The following SEMA3E variants were observed in gnomAD, a reference collection of about 807,000 sequenced individuals.
SEMA3E encodes the protein semaphorin-3E.
A neutral mutation model predicts 93.6 loss-of-function variants in SEMA3E; 49 were observed. That is an observed-to-expected ratio of 0.52 (90% CI 0.42 to 0.66). The LOEUF (loss-of-function observed/expected upper bound fraction) is 0.66, where lower values mean the gene tolerates loss of function less well. Ranked by LOEUF, SEMA3E falls within the 30% of genes least tolerant of loss-of-function variation. The pLI is 0.00. For missense variants in SEMA3E, 906 were observed against 964.8 expected (o/e 0.94, Z 0.81); for synonymous variants, 363 against 330.7 (o/e 1.10, Z -1.06).
chr7:83,458,676 A>G (rs529690052), intron 4 of SEMA3E, among the ~76,000 whole-genome samples: 1 of 151,846 alleles, frequency 6.6e-6, no homozygotes, highest in Non-Finnish European at 1.5e-5. Context: ...GGTACATCCA[A>G]CGGGGTGAGC....
chr7:83,535,216 G>A (rs771775062), intron 1 of SEMA3E, among the ~76,000 whole-genome samples: 2 of 152,070 alleles, frequency 1.3e-5, no homozygotes, highest in Non-Finnish European at 2.9e-5. Context: ...TTCATAGCTT[G>A]GGACTAGGTT....
chr7:83,571,929 A>T (rs1409187978), intron 1 of SEMA3E, among the ~76,000 whole-genome samples: 1 of 152,156 alleles, frequency 6.6e-6, no homozygotes, highest in African/African-American at 2.4e-5. Context: ...ATGCACCAAA[A>T]ACATTCTAGA....
chr7:83,434,925 G>T (rs879134355), intron 4 of SEMA3E, among the ~76,000 whole-genome samples: 2 of 151,382 alleles, frequency 1.3e-5, no homozygotes, highest in Non-Finnish European at 2.9e-5. Flanking sequence ...GTTTTAGCCG[G>T]GATGGTCTCG....
intron 4 of SEMA3E, among the ~76,000 whole-genome samples, chr7:83,421,244 A>C (rs1431991025): frequency 7.0e-6 from 1 of 142,578 alleles, no homozygotes; most frequent in Non-Finnish European, 1.6e-5. Flanking sequence ...AATAACATAG[A>C]ATAATGCATA....
At position 83,400,136 on chromosome 7, in the gene SEMA3E, T is replaced by C; in HGVS notation, c.1258A>G (p.Lys420Glu). The change falls in exon 11 of 17, where the codon AAA becomes GAA. Residue 420 changes from lysine to glutamate, a missense_variant. Physicochemically the swap from Lys to Glu is moderately conservative, Grantham distance 56. Transcript: ENST00000643230. ...LMYQAIKPAHKKPILVKTDGK... is the reference protein window; with the variant it reads ...LMYQAIKPAHEKPILVKTDGK... The stretch of plus-strand genomic sequence containing the variant: ...TCTGTTTTTACCAATATTGGTTTTT[T>C]ATGGGCAGGTTTTATGGCCTGGTAC... The C allele has an allele frequency of 6.2e-7, 1 of 1,614,050 alleles. No individual in the cohort carries two copies. Among genetic ancestry groups the C allele is most frequent in the East Asian group, 2.2e-5 (1 of 44,844 alleles).
intron 1 of SEMA3E, among the ~76,000 whole-genome samples, chr7:83,607,885 T>C (rs1469307274): frequency 6.6e-6 from 1 of 152,114 alleles, no homozygotes; most frequent in Admixed American, 6.6e-5. Flanking sequence ...GGAGTTTTAA[T>C]TAGAGGTGTG....
At chr7:83,611,087 T>C (rs1245828106) in intron 1 of SEMA3E, among the ~76,000 whole-genome samples, 1 of 151,214 alleles carries the variant, frequency 6.6e-6, no homozygotes, top group Non-Finnish European at 1.5e-5. Context: ...GGCAAATTCC[T>C]AACTACCTGT....
chr7:83,647,510 G>A lies in SEMA3E; in HGVS notation c.115+918C>T, dbSNP rs530253775. Among the ~76,000 whole-genome samples the A allele has an allele frequency of 1.4e-4, 21 of 152,166 alleles. No individual in the cohort carries two copies. The South Asian group carries it at 3.7e-3, about 27-fold the overall frequency. On this transcript the variant is annotated intron_variant, in intron 1 of 16. Transcript: ENST00000643230. The stretch of plus-strand genomic sequence containing the variant: ...TACTTCTTTGCTGACAATTTATTCC[G>A]AATTTATATTAAGTCAGCAAAGTCA...
intron 2 of SEMA3E, among the ~76,000 whole-genome samples, chr7:83,478,218 G>A (rs960717234): frequency 3.3e-5 from 5 of 151,974 alleles, no homozygotes; most frequent in African/African-American, 4.8e-5. Flanking sequence ...CCACCGTGCC[G>A]GGCCCAATTT....
chr7:83,382,675 A>T (rs1307119521), intron 16 of SEMA3E, among the ~76,000 whole-genome samples: 1 of 151,466 alleles, frequency 6.6e-6, no homozygotes, highest in Admixed American at 6.6e-5. Context: ...ATTATTACTT[A>T]ATTATAATTA....
In SEMA3E at chr7:83,648,905, A is replaced by G. The variant is rs1357051884; in HGVS notation, c.-363T>C. 5.7e-5 allele frequency: 11 copies of G among 193,984 alleles called. No homozygotes were observed. Among genetic ancestry groups the G allele is most frequent in the South Asian group, 1.7e-4 (2 of 11,610 alleles). 12.0% of individuals were successfully genotyped at this position (193,984 alleles called of 1,614,324 possible). A position where few individuals can be genotyped will look rare whatever the true frequency, so the allele number is the denominator to read the frequency against. On this transcript the variant is annotated 5_prime_UTR_variant, in exon 1 of 17. Transcript: ENST00000643230. ...CAGAAAAAAAAAAAAAAAAGAGAGA[A>G]AAAAACAAAACCGAGCACACGCACT...
chr7:83,600,305 C>G (rs555679099), intron 1 of SEMA3E, among the ~76,000 whole-genome samples: 1 of 149,782 alleles, frequency 6.7e-6, no homozygotes, highest in East Asian at 2.0e-4. Context: ...TTATCAGGAC[C>G]AAGAAATATT....
intron 4 of SEMA3E, among the ~76,000 whole-genome samples, chr7:83,461,678 T>A (rs1789620423): frequency 6.6e-6 from 1 of 152,192 alleles, no homozygotes; most frequent in African/African-American, 2.4e-5. Context: ...AAAGGCCGTC[T>A]TATTCTCAAA....
intron 2 of SEMA3E, among the ~76,000 whole-genome samples, chr7:83,477,880 G>C (rs1041796823): frequency 2.7e-5 from 4 of 150,760 alleles, no homozygotes; most frequent in African/African-American, 7.3e-5. Context: ...TTATCTAACA[G>C]AACTATAATA....
chr7:83,456,543 C>G (rs1789481249), intron 4 of SEMA3E, among the ~76,000 whole-genome samples: 3 of 151,862 alleles, frequency 2.0e-5, no homozygotes, highest in Admixed American at 2.0e-4. Flanking sequence ...AATCTTCTTT[C>G]AGCATTCTTA....
chr7:83,570,244 T>A (rs761184974), intron 1 of SEMA3E, among the ~76,000 whole-genome samples: 1 of 152,114 alleles, frequency 6.6e-6, no homozygotes, highest in South Asian at 2.1e-4. Context: ...AAGTTCATAG[T>A]GCAAAATACC....
At chr7:83,508,782 A>C (rs2115637317) in intron 1 of SEMA3E, among the ~76,000 whole-genome samples, 1 of 152,304 alleles carries the variant, frequency 6.6e-6, no homozygotes, top group African/African-American at 2.4e-5. Context: ...AATAAAGATA[A>C]ATTTTATGCA....
chr7:83,638,692 TA>T (rs1481144365), intron 1 of SEMA3E, among the ~76,000 whole-genome samples: 1 of 152,082 alleles, frequency 6.6e-6, no homozygotes, highest in African/African-American at 2.4e-5. Context: ...GGGATGAAGC[TA>T]AAGGAGGAAT....
intron 1 of SEMA3E, among the ~76,000 whole-genome samples, chr7:83,579,152 T>C (rs543691249): frequency 6.6e-6 from 1 of 152,158 alleles, no homozygotes; most frequent in Non-Finnish European, 1.5e-5. Flanking sequence ...GTTTCAAAAA[T>C]GACACATTAT....
Sources: allele counts gnomAD v4.1 joint callset (sites outside exome capture counted in the v4.1 genomes callset), GRCh38; gene constraint gnomAD v4.1.1; transcripts MANE v1.5; gene names NCBI Gene and HGNC (gene_info 2026-07-23, HGNC 2026-07-21).